CNTNAP1: variants seen among roughly 807,000 people sequenced by gnomAD.
The protein encoded by CNTNAP1 is contactin-associated protein 1.
A neutral mutation model predicts 161.5 loss-of-function variants in CNTNAP1; 80 were observed. The ratio of observed to expected loss-of-function variants is 0.50; its 90% CI spans 0.41 to 0.60. CNTNAP1 has a LOEUF of 0.60. Ranked by LOEUF, CNTNAP1 falls within the 20% of genes least tolerant of loss-of-function variation. The pLI, the probability that CNTNAP1 is intolerant of heterozygous loss-of-function variation, is 0.00. For missense variants in CNTNAP1, 1,464 were observed against 1,854.8 expected (o/e 0.79, Z 3.87); for synonymous variants, 695 against 733.1 (o/e 0.95, Z 0.84).
rs759576346 is a variant in CNTNAP1 at position 42,689,620 on chromosome 17, C to G, written c.1728C>G (p.Cys576Trp). The G allele has an allele frequency of 6.2e-7, 1 of 1,613,376 alleles. No homozygotes were observed. ...CELTGYKGET[C>W]HTPLYKESCE... The stretch of plus-strand genomic sequence containing the variant: ...TGACGGGCTACAAGGGAGAGACCTG[C>G]CACACACGTAAGCCAGATGTGGTAT... The change falls in exon 11 of 24, where the codon TGC becomes TGG. Residue 576 changes from cysteine (C) to tryptophan (W), a missense_variant. By Grantham distance (215) the Cys-to-Trp change is radical (BLOSUM62 -2). Transcript: ENST00000264638.
At chr17:42,683,257 T>G in intron 1 of CNTNAP1, 2 of 696,130 alleles carry the variant, frequency 2.9e-6, no homozygotes, top group Non-Finnish European at 3.8e-6. Context: ...ACTTTGGAGC[T>G]GGCCAAGGGG....
rs556140452 is a variant in CNTNAP1, at chr17:42,687,148, A to C, written c.1044+102A>C. 360 of 1,485,516 alleles carry C rather than the reference A, an allele frequency of 2.4e-4. 3 individuals carry two copies. In the South Asian group the frequency reaches 4.1e-3, roughly 17 times the overall value. The allele number at this position is 1,485,516 out of a possible 1,614,324, so 92.0% of individuals were successfully genotyped here. A position where few individuals can be genotyped will look rare whatever the true frequency, so the allele number is the denominator to read the frequency against. ...ATTGAACATCAGATAAAAGCGGAGA[A>C]TCCCTCTGTCCCCAGCCAGATGCTC... is the stretch of plus-strand genomic sequence containing the variant. On this transcript the variant is annotated intron_variant, in intron 7 of 23. Coordinates refer to ENST00000264638, the MANE Select transcript of CNTNAP1 (RefSeq NM_003632.3). This position sits in a 1 kb window ranked among gnomAD's most constrained non-coding sequence, Gnocchi z 4.7.
intron 1 of CNTNAP1, 112 bp from the exon 2 acceptor site, chr17:42,683,708 TG>T: frequency 7.5e-7 from 1 of 1,333,520 alleles, no homozygotes; most frequent in Middle Eastern, 2.3e-4. Context: ...GGTGTGCCTC[TG>T]GGGGCGGGGG....
chr17:42,683,821 A>G lies in CNTNAP1; in HGVS notation c.68A>G (p.Tyr23Cys). 2 of 1,610,822 alleles carry G rather than the reference A, an allele frequency of 1.2e-6. No homozygotes were observed. Among genetic ancestry groups the G allele is most frequent in the Non-Finnish European group, 1.7e-6 (2 of 1,179,830 alleles). ...AVSGAEGWGY[Y>C]GCDEELVGPL... ...CTAACAGTCGGTTTCCCTACCCTAGACGGCTGCGACGAGGAGCTGGTGGGT... is the reference window on the plus strand; with the variant it reads ...CTAACAGTCGGTTTCCCTACCCTAGGCGGCTGCGACGAGGAGCTGGTGGGT... The change falls in exon 2 of 24, where the codon TAC (tyrosine) becomes TGC (cysteine). Residue 23 changes from tyrosine (Y) to cysteine (C), a missense_variant and splice_region_variant. Coordinates refer to ENST00000264638, the MANE Select transcript of CNTNAP1 (RefSeq NM_003632.3).
chr17:42,683,704 C>T, intron 1 of CNTNAP1, 117 bp from the exon 2 acceptor site: 1 of 1,473,096 alleles, frequency 6.8e-7, no homozygotes, highest in Non-Finnish European at 9.0e-7. Context: ...GCTGGGTGTG[C>T]CTCTGGGGGC....
intron 8 of CNTNAP1, 112 bp from the exon 9 acceptor site, chr17:42,688,350 G>A (rs2053044266): frequency 1.4e-6 from 2 of 1,402,892 alleles, no homozygotes; most frequent in African/African-American, 1.4e-5. Context: ...TAATCACGGG[G>A]GCACACAGGC....
rs199932716 is a variant in CNTNAP1, at chr17:42,697,599, G to C, written c.3614G>C (p.Gly1205Ala). Residue 1205 changes from glycine to alanine, a missense_variant, in exon 22 of 24, where the codon GGT (glycine) becomes GCT (alanine). Physicochemically the swap from Gly to Ala is moderately conservative, Grantham distance 60. Around this residue, in one of 3 missense-constraint regions of CNTNAP1, gnomAD observed 1,383 missense variants for 1,765.0 expected, o/e 0.78. Transcript: ENST00000264638. ...GAGATCCAGCGCTACAACACCCCAG[G>C]TTTCTCAGGCTGCCTGTCTGGTGTT... ...DPEIQRYNTP[G>A]FSGCLSGVRF... 7 of 1,613,948 alleles carry C rather than the reference G, an allele frequency of 4.3e-6. No individual in the cohort carries two copies. Among genetic ancestry groups the C allele is most frequent in the Non-Finnish European group, 5.9e-6 (7 of 1,180,022 alleles).
rs1011101457 is a variant in CNTNAP1 at position 42,690,029 on chromosome 17, C to G, written c.1736-59C>G. On this transcript the variant is annotated intron_variant, in intron 11 of 23. Coordinates refer to ENST00000264638, the MANE Select transcript of CNTNAP1 (RefSeq NM_003632.3). ...TGCTGGGATTACAGGCCCGAGCCGC[C>G]GCACCTGGCCAGCCCTCTAACTCTC... 2.5e-6 allele frequency: 4 copies of G among 1,600,860 alleles called. No individual in the cohort carries two copies. The South Asian group carries it at 3.3e-5, about 13-fold the overall frequency.
In CNTNAP1 at chr17:42,684,980, C is replaced by G. The variant is rs1247182785; in HGVS notation, c.364-11C>G. The G allele has an allele frequency of 5.6e-6, 9 of 1,607,342 alleles. No individual in the cohort carries two copies. The highest frequency in any genetic ancestry group is 1.3e-5 in the African/African-American group (1 of 74,256). Reference sequence around the variant, plus strand: ...GCAGGACGTGGTTACTACTCTCCTCCACCCCCGCAGACCTTCTTTGGTAAC... The same window carrying G: ...GCAGGACGTGGTTACTACTCTCCTCGACCCCCGCAGACCTTCTTTGGTAAC... On this transcript the variant is annotated splice_polypyrimidine_tract_variant and intron_variant, in intron 3 of 23. Coordinates refer to ENST00000264638, the MANE Select transcript of CNTNAP1 (RefSeq NM_003632.3).
chr17:42,689,704 A>G (rs2053061041), intron 11 of CNTNAP1, 77 bp downstream of exon 11: 2 of 1,212,612 alleles, frequency 1.6e-6, no homozygotes, highest in Non-Finnish European at 2.4e-6. Context: ...TCAGGCTGCT[A>G]GAGATGGCGA....
At chr17:42,686,201 G>C in intron 6 of CNTNAP1, 60 bp downstream of exon 6, 1 of 1,541,022 alleles carries the variant, frequency 6.5e-7, no homozygotes, top group Non-Finnish European at 9.0e-7. Flanking sequence ...GTGAGTGCAG[G>C]TCGGTCTCTC....
In CNTNAP1 at chr17:42,685,695, C is replaced by G. The variant is rs1423127445; in HGVS notation, c.716-262C>G. ...TTCCCTCCTTGTAAACACACACACA[C>G]AGACGCACACACATTGTATCTCATT... On this transcript the variant is annotated intron_variant, in intron 5 of 23. Coordinates refer to ENST00000264638, the MANE Select transcript of CNTNAP1 (RefSeq NM_003632.3). This position sits in a 1 kb window ranked among gnomAD's most constrained non-coding sequence, Gnocchi z 5.0. 6.6e-6 allele frequency among the ~76,000 whole-genome samples: 1 copy of G among 152,244 alleles called. No individual in the cohort carries two copies. The highest frequency in any genetic ancestry group is 1.5e-5 in the Non-Finnish European group (1 of 68,050).
At chr17:42,689,987 AC>A (rs2053064390) in intron 11 of CNTNAP1, 100 bp from the exon 12 acceptor site, 2 of 1,376,722 alleles carry the variant, frequency 1.5e-6, no homozygotes, top group Non-Finnish European at 2.0e-6. Context: ...GTGATGCACC[AC>A]CCCGGCCTCC....
At chr17:42,689,915 A>G (rs779826456) in intron 11 of CNTNAP1, 173 bp from the exon 12 acceptor site, 71 of 682,474 alleles carry the variant, frequency 1.0e-4, no homozygotes, top group Non-Finnish European at 1.6e-4. Flanking sequence ...TAATTTTTAT[A>G]TTTTTATTAG....
In CNTNAP1 at chr17:42,682,700, G is replaced by T; in HGVS notation, c.-130G>T. On this transcript the variant is annotated 5_prime_UTR_variant, in exon 1 of 24. Coordinates refer to ENST00000264638, the MANE Select transcript of CNTNAP1 (RefSeq NM_003632.3). ...CTTGGGGGCGAAAGGAGAGAGGGAG[G>T]GAAGGGTGGGTAAGGAGGAGAGAGC... 1 of 839,708 alleles carries T rather than the reference G, an allele frequency of 1.2e-6. No individual in the cohort carries two copies. Among genetic ancestry groups the T allele is most frequent in the Non-Finnish European group, 1.9e-6 (1 of 519,904 alleles). 52.0% of individuals were successfully genotyped at this position (839,708 alleles called of 1,614,324 possible).
Position 42,687,158 on chromosome 17 carries a change from C to T in CNTNAP1, c.1044+112C>T, listed in dbSNP as rs111833296. On this transcript the variant is annotated intron_variant, in intron 7 of 23. Coordinates refer to ENST00000264638, the MANE Select transcript of CNTNAP1 (RefSeq NM_003632.3). This position sits in a 1 kb window ranked among gnomAD's most constrained non-coding sequence, Gnocchi z 4.7. ...AGATAAAAGCGGAGAATCCCTCTGT[C>T]CCCAGCCAGATGCTCAAGTTGGGAG... 2,545 of 1,435,924 alleles carry T rather than the reference C, an allele frequency of 1.8e-3. 42 individuals are homozygous for T. In the African/African-American group the frequency reaches 0.032, roughly 18 times the overall value. 88.9% of individuals were successfully genotyped at this position (1,435,924 alleles called of 1,614,324 possible).
chr17:42,688,158 C>A (rs1002801847), intron 8 of CNTNAP1, among the ~76,000 whole-genome samples, 177 bp downstream of exon 8: 2 of 152,024 alleles, frequency 1.3e-5, no homozygotes, highest in Admixed American at 1.3e-4. Context: ...AGTGAGGAGG[C>A]GAATCTGAGG....
intron 18 of CNTNAP1, among the ~76,000 whole-genome samples, chr17:42,694,623 T>G (rs1217443736): frequency 7.5e-6 from 1 of 132,666 alleles, no homozygotes; most frequent in African/African-American, 2.8e-5. Context: ...CAGCAAGGAC[T>G]GTGTCTACAA....
Position 42,688,584 on chromosome 17 carries a change from C to T in CNTNAP1, c.1429C>T (p.Arg477Trp), listed in dbSNP as rs141390466. The change falls in exon 9 of 24, where the codon CGG (arginine) becomes TGG (tryptophan). Residue 477 changes from arginine to tryptophan, a missense_variant. By Grantham distance (101) the Arg-to-Trp change is moderately radical. Coordinates refer to ENST00000264638, the MANE Select transcript of CNTNAP1 (RefSeq NM_003632.3). Reference sequence around the variant, plus strand: ...CAGGGTCTCATACCCGTTGCTGATCCGGACAGGGACCTCATATTTCTTTGG... The same window carrying T: ...CAGGGTCTCATACCCGTTGCTGATCTGGACAGGGACCTCATATTTCTTTGG... Reference protein sequence around the residue: ...EVRVSYPLLIRTGTSYFFGGC... With the variant: ...EVRVSYPLLIWTGTSYFFGGC... 8 of 1,614,006 alleles carry T rather than the reference C, an allele frequency of 5.0e-6. No homozygotes were observed. The highest frequency in any genetic ancestry group is 1.1e-5 in the South Asian group (1 of 91,080).
Sources: gnomAD v4.1 joint callset for allele counts (sites outside exome capture counted in the v4.1 genomes callset) on GRCh38, gnomAD v4.1.1 for gene constraint, gnomAD v4.1.1 regional missense constraint, Gnocchi (gnomAD v3.1) non-coding constraint, MANE v1.5 for transcripts, NCBI Gene and HGNC (gene_info 2026-07-23, HGNC 2026-07-21) for gene names.